FHIT: variants seen among roughly 807,000 people sequenced by gnomAD.
FHIT encodes the protein bis(5'-adenosyl)-triphosphatase.
In FHIT, 19 loss-of-function variants were observed where a neutral mutation model predicts 17.9. That is an observed-to-expected ratio of 1.06 (90% confidence interval 0.74 to 1.56). The LOEUF (loss-of-function observed/expected upper bound fraction) is 1.56. Among genes scored for constraint, FHIT ranks in the 40% most tolerant of loss-of-function variants. FHIT has a pLI of 0.00. For missense variants in FHIT, 248 were observed against 189.2 expected (o/e 1.31, Z -1.82); for synonymous variants, 81 against 69.7 (o/e 1.16, Z -0.81).
chr3:60,795,005 G>A (rs1327527628), intron 4 of FHIT, among the ~76,000 whole-genome samples: 2 of 152,116 alleles, frequency 1.3e-5, no homozygotes, highest in Non-Finnish European at 1.5e-5. Flanking sequence ...ATTGTAATCC[G>A]TTGCTTTTGC....
intron 5 of FHIT, among the ~76,000 whole-genome samples, chr3:60,345,529 G>C (rs924832528): frequency 6.6e-6 from 1 of 152,162 alleles, no homozygotes; most frequent in Non-Finnish European, 1.5e-5. Context: ...TAAATTATTA[G>C]ATTTCAGAAA....
chr3:60,586,486 A>G (rs1464384256), intron 4 of FHIT, among the ~76,000 whole-genome samples: 20 of 152,106 alleles, frequency 1.3e-4, no homozygotes, highest in African/African-American at 4.6e-4. Context: ...AAATCCCCTT[A>G]CTGGATATAA....
intron 4 of FHIT, among the ~76,000 whole-genome samples, chr3:60,572,044 G>A (rs987786412): frequency 2.0e-5 from 3 of 151,628 alleles, no homozygotes; most frequent in African/African-American, 7.3e-5. Context: ...TGGGGGGGAA[G>A]ATTTAACAGG....
At chr3:61,169,195 G>T (rs1030756639) in intron 2 of FHIT, among the ~76,000 whole-genome samples, 1 of 152,174 alleles carries the variant, frequency 6.6e-6, no homozygotes. Context: ...GCACCACTTC[G>T]TAAGTTGTAG....
intron 5 of FHIT, among the ~76,000 whole-genome samples, chr3:60,032,199 T>C (rs569987556): frequency 1.3e-5 from 2 of 152,294 alleles, no homozygotes; most frequent in East Asian, 1.9e-4. Flanking sequence ...TTCTCTATAC[T>C]TAACTGTCCT....
intron 5 of FHIT, among the ~76,000 whole-genome samples, chr3:60,182,417 C>T (rs955535408): frequency 2.3e-4 from 35 of 152,294 alleles, no homozygotes; most frequent in Non-Finnish European, 4.0e-4. Flanking sequence ...CAGACGCTCT[C>T]CTTCATATTA....
At chr3:61,201,811 A>G (rs1022185196) in intron 1 of FHIT, among the ~76,000 whole-genome samples, 2 of 152,210 alleles carry the variant, frequency 1.3e-5, no homozygotes, top group African/African-American at 2.4e-5. Context: ...TAGATAAAAT[A>G]GTGTAATATT....
intron 3 of FHIT, among the ~76,000 whole-genome samples, chr3:60,926,499 T>C (rs1707622260): frequency 6.6e-6 from 1 of 152,168 alleles, no homozygotes; most frequent in East Asian, 1.9e-4. Flanking sequence ...AGACGTTCTT[T>C]GAAACCAATG....
chr3:60,826,395 C>T (rs921252782), intron 3 of FHIT, among the ~76,000 whole-genome samples: 1 of 152,092 alleles, frequency 6.6e-6, no homozygotes, highest in Admixed American at 6.6e-5. Flanking sequence ...GGCACAATCT[C>T]GGCTCACTGC....
At chr3:61,195,290 A>C (rs2038824558) in intron 2 of FHIT, among the ~76,000 whole-genome samples, 1 of 152,136 alleles carries the variant, frequency 6.6e-6, no homozygotes, top group Non-Finnish European at 1.5e-5. Flanking sequence ...AAAAGAAAAA[A>C]AAATGGCCAG....
chr3:60,011,848 C>G (rs1700151136), intron 6 of FHIT, among the ~76,000 whole-genome samples: 1 of 152,188 alleles, frequency 6.6e-6, no homozygotes, highest in African/African-American at 2.4e-5. Context: ...GAAGAGTCCT[C>G]TGGCTATTCT....
In FHIT at chr3:60,864,909, G is replaced by A. The variant is rs77969822; in HGVS notation, c.-110-42898C>T. Reference sequence around the variant, plus strand: ...TAACTCTATGGAAATGAGGATAAAGGGTAGATGCATGTAAGAATCCAGCTG... The same window carrying A: ...TAACTCTATGGAAATGAGGATAAAGAGTAGATGCATGTAAGAATCCAGCTG... On this transcript the variant is annotated intron_variant, in intron 3 of 9. Coordinates refer to ENST00000492590, the MANE Select transcript of FHIT (RefSeq NM_002012.4). Among the ~76,000 whole-genome samples the A allele has an allele frequency of 4.1e-3, 621 of 151,668 alleles. 16 individuals carry two copies. The East Asian group carries it at 0.075, about 18-fold the overall frequency.
chr3:59,903,950 T>C (rs1704455678), intron 8 of FHIT, among the ~76,000 whole-genome samples: 1 of 152,038 alleles, frequency 6.6e-6, no homozygotes, highest in African/African-American at 2.4e-5. Flanking sequence ...CCAGTTTATG[T>C]GGTACAAAAG....
intron 2 of FHIT, among the ~76,000 whole-genome samples, chr3:61,124,039 G>A (rs746540560): frequency 6.6e-6 from 1 of 152,124 alleles, no homozygotes; most frequent in Non-Finnish European, 1.5e-5. Flanking sequence ...CAAAAGTTAT[G>A]AAGGCAGGGG....
intron 4 of FHIT, among the ~76,000 whole-genome samples, chr3:60,663,069 C>T (rs1157086607): frequency 6.9e-6 from 1 of 145,800 alleles, no homozygotes; most frequent in Non-Finnish European, 1.5e-5. Flanking sequence ...TCTGGGTCCT[C>T]TATTCTGTTC....
chr3:61,009,933 T>C (rs1397151352), intron 3 of FHIT, among the ~76,000 whole-genome samples: 1 of 152,176 alleles, frequency 6.6e-6, no homozygotes, highest in African/African-American at 2.4e-5. Context: ...TTGGAGAGAA[T>C]TCTATGACAA....
intron 5 of FHIT, among the ~76,000 whole-genome samples, chr3:60,151,382 C>A (rs371334875): frequency 3.3e-5 from 5 of 152,116 alleles, no homozygotes; most frequent in African/African-American, 7.2e-5. Flanking sequence ...AAGTTGAAAC[C>A]ACCATCACCT....
At chr3:61,179,842 AT>A (rs146984667) in intron 2 of FHIT, among the ~76,000 whole-genome samples, 7,763 of 152,074 alleles carry the variant, frequency 0.051, 241 homozygotes, top group Middle Eastern at 0.12. Flanking sequence ...GGAAGATGGC[AT>A]CAGAGTGTCA....
At chr3:60,385,767 G>A (rs1190852807) in intron 5 of FHIT, among the ~76,000 whole-genome samples, 1 of 151,832 alleles carries the variant, frequency 6.6e-6, no homozygotes, top group Non-Finnish European at 1.5e-5. Context: ...TGGTAGAGAT[G>A]GTGTCTTACT....
Sources: gnomAD v4.1 joint callset for allele counts (sites outside exome capture counted in the v4.1 genomes callset) on GRCh38, gnomAD v4.1.1 for gene constraint, MANE v1.5 for transcripts, NCBI Gene and HGNC (gene_info 2026-07-23, HGNC 2026-07-21) for gene names.